Variants in AUTS2 observed in about 807,000 individuals in gnomAD.
The protein encoded by AUTS2 is activator of transcription and developmental regulator AUTS2, also known as autism susceptibility gene 2 protein.
AUTS2 carries 17 observed loss-of-function variants against 112.4 expected under a neutral mutation model. The ratio of observed to expected loss-of-function variants is 0.15; its 90% confidence interval spans 0.10 to 0.23. The LOEUF is 0.23. Ranked by LOEUF, AUTS2 falls within the 10% of genes least tolerant of loss-of-function variation. The pLI is 1.00. For synonymous variants in AUTS2, 751 were observed against 702.7 expected (o/e 1.07, Z -1.09); for missense variants, 1,510 against 1,701.6 (o/e 0.89, Z 1.98).
At chr7:69,980,344 G>A (rs1798245180) in intron 2 of AUTS2, among the ~76,000 whole-genome samples, 1 of 152,194 alleles carries the variant, frequency 6.6e-6, no homozygotes, top group African/African-American at 2.4e-5. Context: ...TACAGAAAGA[G>A]TTGGACATCT....
rs185234052 is a variant in AUTS2 at position 70,075,776 on chromosome 7, T to C, written c.523-42356T>C. 2.2e-3 allele frequency among the ~76,000 whole-genome samples: 335 copies of C among 152,354 alleles called. 2 individuals carry two copies. Among genetic ancestry groups the C allele is most frequent in the Non-Finnish European group, 4.3e-3 (291 of 68,042 alleles). On this transcript the variant is annotated intron_variant, in intron 2 of 18. Transcript: ENST00000342771. ...TCAGAAAAGATTCTAGAAAATATTA[T>C]TAATGAATGCTTTCTGAGAGTTTAA...
chr7:69,928,558 G>A (rs1416992229), intron 2 of AUTS2, among the ~76,000 whole-genome samples: 1 of 152,154 alleles, frequency 6.6e-6, no homozygotes, highest in Non-Finnish European at 1.5e-5. Flanking sequence ...GGTAGCAGGG[G>A]GCTGGTATAC....
intron 1 of AUTS2, among the ~76,000 whole-genome samples, chr7:69,629,171 TAAAATAAC>T (rs58373916): frequency 0.076 from 11,503 of 152,150 alleles, 586 homozygotes; most frequent in African/African-American, 0.14. Context: ...TCAAGATCTA[TAAAATAAC>T]AGAGTTTGGA....
chr7:70,368,107 C>T lies in AUTS2; in HGVS notation c.661-67645C>T, dbSNP rs185423349. Among the ~76,000 whole-genome samples the T allele has an allele frequency of 2.8e-4, 43 of 152,206 alleles. No individual in the cohort carries two copies. The East Asian group carries it at 7.7e-3, about 27-fold the overall frequency. ...GAATCACACTCGTGGAAGATCAAAC[C>T]TCTGGCCTACTATTTAATAGATATG... is the stretch of plus-strand genomic sequence containing the variant. On this transcript the variant is annotated intron_variant, in intron 4 of 18. Coordinates refer to ENST00000342771, the MANE Select transcript of AUTS2 (RefSeq NM_015570.4).
intron 2 of AUTS2, among the ~76,000 whole-genome samples, chr7:69,980,998 A>T (rs1428518411): frequency 6.6e-6 from 1 of 152,256 alleles, no homozygotes; most frequent in Non-Finnish European, 1.5e-5. Flanking sequence ...ATGCAGAATC[A>T]TTTTAACTTC....
chr7:70,746,372 C>T (rs559764993), intron 6 of AUTS2, among the ~76,000 whole-genome samples: 4 of 152,132 alleles, frequency 2.6e-5, no homozygotes, highest in Admixed American at 6.6e-5. Flanking sequence ...TCTCGAACTC[C>T]GGACCTCAGG....
At chr7:69,714,237 ATGTGTGTGTATATG>A (rs1226966063) in intron 1 of AUTS2, among the ~76,000 whole-genome samples, 3 of 89,990 alleles carry the variant, frequency 3.3e-5, no homozygotes, top group African/African-American at 1.4e-4. Flanking sequence ...CTAATTGTGC[ATGTGTGTGTATATG>A]TGTGTGTGTG....
chr7:70,613,241 CTGTGTGTGTG>C (rs71077668), intron 5 of AUTS2, among the ~76,000 whole-genome samples: 8 of 147,728 alleles, frequency 5.4e-5, no homozygotes, highest in Non-Finnish European at 9.0e-5. Flanking sequence ...GTGTGTGTGT[CTGTGTGTGTG>C]TGTGTGTGTG....
In AUTS2 at chr7:70,117,135, TTG is replaced by T. The variant is rs577239303; in HGVS notation, c.523-995_523-994del. Reference sequence around the variant, plus strand: ...TTTTTTTGTTTTTTTTTGTTTTTTTTTGTTTTTTTTTTTGGTGTAGTACCATA... The same window carrying T: ...TTTTTTTGTTTTTTTTTGTTTTTTTTTTTTTTTTTTTGGTGTAGTACCATA... On this transcript the variant is annotated intron_variant, in intron 2 of 18. Transcript: ENST00000342771. Among the ~76,000 whole-genome samples, 852 of 94,736 alleles carry T rather than the reference TTG, an allele frequency of 9.0e-3. 34 individuals carry two copies. Among genetic ancestry groups the T allele is most frequent in the Middle Eastern group, 0.017 (3 of 180 alleles). 62.2% of individuals were successfully genotyped at this position (94,736 alleles called of 152,430 possible). A position where few individuals can be genotyped will look rare whatever the true frequency, so the allele number is the denominator to read the frequency against.
At chr7:70,721,280 G>A (rs1458698774) in intron 6 of AUTS2, among the ~76,000 whole-genome samples, 1 of 5,406 alleles carries the variant, frequency 1.8e-4, no homozygotes, top group Non-Finnish European at 4.2e-4. Flanking sequence ...AATTTCATTC[G>A]TGTGTGTGTG....
chr7:70,634,858 G>A (rs1234079066), intron 5 of AUTS2, among the ~76,000 whole-genome samples: 1 of 152,222 alleles, frequency 6.6e-6, no homozygotes, highest in Non-Finnish European at 1.5e-5. Context: ...GCACATTGCG[G>A]AAACTGTTAG....
At chr7:70,197,494 G>A (rs1810245792) in intron 4 of AUTS2, among the ~76,000 whole-genome samples, 1 of 135,618 alleles carries the variant, frequency 7.4e-6, no homozygotes, top group Non-Finnish European at 1.6e-5. Flanking sequence ...CGCACCGTGC[G>A]CGAGCCGAAG....
chr7:69,961,290 TATA>T (rs1562997200), intron 2 of AUTS2, among the ~76,000 whole-genome samples: 9 of 152,152 alleles, frequency 5.9e-5, no homozygotes, highest in African/African-American at 2.2e-4. Context: ...ATGTAAAATG[TATA>T]ACTCCCTCTA....
At position 70,296,834 on chromosome 7, in the gene AUTS2, G is replaced by A. The variant is rs550144954; in HGVS notation, c.661-138918G>A. ...AAGCTATTGATATGTATTTCCCTGG[G>A]TATACATTTTTTTTTTTTTTTTTTT... On this transcript the variant is annotated intron_variant, in intron 4 of 18. Coordinates refer to ENST00000342771, the MANE Select transcript of AUTS2 (RefSeq NM_015570.4). Among the ~76,000 whole-genome samples the A allele has an allele frequency of 6.1e-5, 9 of 148,078 alleles. No homozygotes were observed. The South Asian group carries it at 1.7e-3, about 28-fold the overall frequency.
At chr7:70,340,359 A>G (rs943889887) in intron 4 of AUTS2, among the ~76,000 whole-genome samples, 12 of 152,106 alleles carry the variant, frequency 7.9e-5, no homozygotes, top group Non-Finnish European at 1.5e-5. Context: ...CTTATTTATA[A>G]CCATTTGTTT....
intron 5 of AUTS2, among the ~76,000 whole-genome samples, chr7:70,620,466 C>A (rs1327959730): frequency 6.6e-6 from 1 of 152,024 alleles, no homozygotes; most frequent in Non-Finnish European, 1.5e-5. Context: ...TCAGTCACAC[C>A]ACGCTCATCA....
At chr7:70,054,241 G>T (rs1563068358) in intron 2 of AUTS2, among the ~76,000 whole-genome samples, 1 of 152,256 alleles carries the variant, frequency 6.6e-6, no homozygotes, top group East Asian at 1.9e-4. Flanking sequence ...CATGCCACAT[G>T]CTGTTTCTCT....
At chr7:70,303,063 G>T (rs1441705708) in intron 4 of AUTS2, among the ~76,000 whole-genome samples, 2 of 152,064 alleles carry the variant, frequency 1.3e-5, no homozygotes, top group Non-Finnish European at 2.9e-5. Flanking sequence ...CTCATTTAGG[G>T]TTGGAATCTT....
At chr7:69,755,480 A>G (rs1323247542) in intron 1 of AUTS2, among the ~76,000 whole-genome samples, 1 of 151,908 alleles carries the variant, frequency 6.6e-6, no homozygotes, top group East Asian at 1.9e-4. Flanking sequence ...TTGCCATAAT[A>G]ATTGTGTTGC....
Sources: gnomAD v4.1 joint callset for allele counts (sites outside exome capture counted in the v4.1 genomes callset) on GRCh38, gnomAD v4.1.1 for gene constraint, MANE v1.5 for transcripts, NCBI Gene and HGNC (gene_info 2026-07-23, HGNC 2026-07-21) for gene names.